CDH26: variants seen among roughly 807,000 people sequenced by gnomAD.
CDH26 encodes cadherin 26, also known as cadherin-like protein 26.
In CDH26, 83 loss-of-function variants were observed where a neutral mutation model predicts 90.3. That is an observed-to-expected ratio of 0.92 (90% CI 0.77 to 1.10). CDH26 has a LOEUF of 1.10. CDH26 is among the 50% of genes least tolerant of loss of function. The pLI, the probability that CDH26 is intolerant of heterozygous loss-of-function variation, is 0.00. For synonymous variants in CDH26, 397 were observed against 396.3 expected, an observed-to-expected ratio of 1.00 and a Z score of -0.02; for missense variants, 1,013 against 1,037.6, an observed-to-expected ratio of 0.98 and a Z score of 0.33.
At chr20:60,027,569 A>G (rs1208685406) in intron 7 of CDH26, among the ~76,000 whole-genome samples, 1 of 152,196 alleles carries the variant, frequency 6.6e-6, no homozygotes, top group East Asian at 1.9e-4. Flanking sequence ...TGAGTTTGAT[A>G]CTTTTAAAGG....
rs1482353212 is a variant in CDH26 at position 60,024,024 on chromosome 20, C to T, written c.948-7207C>T. Among the ~76,000 whole-genome samples the T allele has an allele frequency of 3.3e-5, 5 of 150,338 alleles. No individual in the cohort carries two copies. The South Asian group carries it at 8.4e-4, about 25-fold the overall frequency. On this transcript the variant is annotated intron_variant, in intron 7 of 8. Transcript: ENST00000370991. ...GAGCATGGAGGCCCATAAGGAAAAACCAGAAGTTTCAGCATTAAAAACGTG... is the reference window on the plus strand; with the variant it reads ...GAGCATGGAGGCCCATAAGGAAAAATCAGAAGTTTCAGCATTAAAAACGTG...
chr20:60,032,856 G>C (rs904054407), intron 8 of CDH26, among the ~76,000 whole-genome samples: 5 of 121,100 alleles, frequency 4.1e-5, no homozygotes, highest in South Asian at 3.4e-4. Context: ...GGTGGGGTGG[G>C]GGGAGGGGGG....
At chr20:59,989,608 TGAAAATACAA>T (rs2061504238) in intron 9 of CDH26, among the ~76,000 whole-genome samples, 1 of 151,866 alleles carries the variant, frequency 6.6e-6, no homozygotes, top group Non-Finnish European at 1.5e-5. Flanking sequence ...GTCTCCGTGA[TGAAAATACAA>T]GAAGCCACAG....
intron 16 of CDH26, among the ~76,000 whole-genome samples, chr20:60,004,251 T>C (rs531611141): frequency 1.3e-5 from 2 of 152,314 alleles, no homozygotes; most frequent in South Asian, 2.1e-4. Context: ...ATATGTACAG[T>C]CATGTCTGGC....
chr20:60,023,958 A>AGG lies in CDH26; in HGVS notation c.948-7271_948-7270dup, dbSNP rs112728073. Among the ~76,000 whole-genome samples the AGG allele has an allele frequency of 7.1e-3, 871 of 123,448 alleles. 5 individuals carry two copies. The highest frequency in any genetic ancestry group is 0.01 in the Non-Finnish European group (598 of 57,242). 81.0% of individuals were successfully genotyped at this position (123,448 alleles called of 152,430 possible). On this transcript the variant is annotated intron_variant, in intron 7 of 8. Transcript: ENST00000370991. ...CAGGTGGGTACCATTATGCTGACAG[A>AGG]GGGAGAGAGAGAGAGAGAGAGAGAG...
At position 59,992,357 on chromosome 20, in the gene CDH26, T is replaced by C; in HGVS notation, c.1284-21T>C. On this transcript the variant is annotated intron_variant, in intron 9 of 17. Transcript: ENST00000348616. The surrounding 1 kb of genome is among the most constrained non-coding windows in gnomAD (Gnocchi z 5.0). Reference sequence around the variant, plus strand: ...GTAAGTTTTTAATTTTAAAAATTGCTGTCCGTTTTCCTTCTACAAGATATG... The same window carrying C: ...GTAAGTTTTTAATTTTAAAAATTGCCGTCCGTTTTCCTTCTACAAGATATG... The C allele has an allele frequency of 6.3e-7, 1 of 1,594,134 alleles. No individual in the cohort carries two copies. Among genetic ancestry groups the C allele is most frequent in the Non-Finnish European group, 8.5e-7 (1 of 1,174,348 alleles).
intron 7 of CDH26, among the ~76,000 whole-genome samples, chr20:60,024,281 G>A (rs183174): frequency 0.85 from 128,733 of 152,156 alleles, 54,787 homozygotes; most frequent in Non-Finnish European, 0.89. Context: ...CACTGGGTAC[G>A]GCAGGGGAGA....
At chr20:59,965,911 C>A (rs2061142762) in intron 1 of CDH26, among the ~76,000 whole-genome samples, 1 of 152,102 alleles carries the variant, frequency 6.6e-6, no homozygotes, top group Non-Finnish European at 1.5e-5. Flanking sequence ...CATTAGGAAG[C>A]CATTGGCTAT....
chr20:60,017,994 A>T (rs1601218315), downstream of CDH26, among the ~76,000 whole-genome samples: 1 of 152,090 alleles, frequency 6.6e-6, no homozygotes, highest in Non-Finnish European at 1.5e-5. Context: ...TTGATTTTTA[A>T]AAACTTTTTG....
At chr20:60,018,745 G>A (rs2061928400), downstream of CDH26, among the ~76,000 whole-genome samples, 1 of 30,768 alleles carries the variant, frequency 3.3e-5, no homozygotes, top group South Asian at 1.0e-3. Context: ...TTGCAGTTGG[G>A]TGGTTTCCTG....
At chr20:60,031,615 A>G (rs928220843) in intron 8 of CDH26, among the ~76,000 whole-genome samples, 1 of 152,188 alleles carries the variant, frequency 6.6e-6, no homozygotes, top group African/African-American at 2.4e-5. Flanking sequence ...TTCCCAGAGC[A>G]GTTGATGTAT....
In CDH26 at chr20:59,968,238, C is replaced by T. The variant is rs1334949758; in HGVS notation, c.70-729C>T. Among the ~76,000 whole-genome samples the T allele has an allele frequency of 7.2e-5, 11 of 151,802 alleles. No homozygotes were observed. In the South Asian group the frequency reaches 2.1e-3, roughly 29 times the overall value. ...TCAGCCTCCCAAGTAACTGGGATTA[C>T]AGGCGCGTGCCACCATGGCCGGCTA... is the stretch of plus-strand genomic sequence containing the variant. On this transcript the variant is annotated intron_variant, in intron 1 of 17. Coordinates refer to ENST00000348616, the MANE Select transcript of CDH26 (RefSeq NM_177980.4).
chr20:59,989,145 A>G lies in CDH26; in HGVS notation c.1265A>G (p.Asp422Gly). Residue 422 changes from aspartate (D) to glycine (G), a missense_variant, in exon 9 of 18, where the codon GAT becomes GGT. Asp to Gly is a moderately conservative substitution (Grantham distance 94, BLOSUM62 -1). Coordinates refer to ENST00000348616, the MANE Select transcript of CDH26 (RefSeq NM_177980.4). ...GTLLGTFNAM[D>G]PDSQIRYELV... ...CTGTTGGGAACTTTTAATGCCATGG[A>G]TCCAGACAGCCAGATAAGGTGAGAA... The G allele has an allele frequency of 3.1e-6, 5 of 1,614,166 alleles. No homozygotes were observed. Among genetic ancestry groups the G allele is most frequent in the Non-Finnish European group, 4.2e-6 (5 of 1,180,030 alleles).
chr20:59,978,185 A>C (rs1451067085), intron 4 of CDH26, among the ~76,000 whole-genome samples: 2 of 152,168 alleles, frequency 1.3e-5, no homozygotes, highest in Non-Finnish European at 2.9e-5. Context: ...ACAATCATGA[A>C]TAAAGCTATA....
intron 2 of CDH26, 34 bp downstream of exon 2, chr20:59,969,057 A>C: frequency 2.9e-6 from 4 of 1,372,456 alleles, no homozygotes; most frequent in Non-Finnish European, 4.2e-6. Flanking sequence ...TAATATATAA[A>C]ATCAGTCTCT....
chr20:59,980,752 A>G (rs180736294), intron 4 of CDH26, among the ~76,000 whole-genome samples: 15 of 152,314 alleles, frequency 9.8e-5, no homozygotes, highest in African/African-American at 3.1e-4. Flanking sequence ...TTACAGAGCA[A>G]AAGTTATTAC....
At chr20:60,009,843 C>T (rs1259288195) in intron 17 of CDH26, among the ~76,000 whole-genome samples, 2 of 152,130 alleles carry the variant, frequency 1.3e-5, no homozygotes, top group South Asian at 2.1e-4. Flanking sequence ...CCAGGTCTGT[C>T]GCTAATTATC....
chr20:60,002,993 C>A, intron 16 of CDH26, 127 bp downstream of exon 16: 1 of 556,264 alleles, frequency 1.8e-6, no homozygotes. Flanking sequence ...GCCCAACATC[C>A]AAGCAAACTG....
intron 16 of CDH26, among the ~76,000 whole-genome samples, chr20:60,004,765 C>CAAAAAAAAAA (rs140015980): frequency 2.1e-5 from 1 of 48,128 alleles, no homozygotes; most frequent in Non-Finnish European, 5.5e-5. Flanking sequence ...GACTCCATCT[C>CAAAAAAAAAA]AAAAAAAAAA....
Sources: gnomAD v4.1 joint callset for allele counts (sites outside exome capture counted in the v4.1 genomes callset) on GRCh38, gnomAD v4.1.1 for gene constraint, Gnocchi (gnomAD v3.1) non-coding constraint, MANE v1.5 for transcripts, NCBI Gene and HGNC (gene_info 2026-07-23, HGNC 2026-07-21) for gene names.